The following PLK1 variants were observed in gnomAD, a reference collection of about 807,000 sequenced individuals.
PLK1 encodes the protein serine/threonine-protein kinase PLK1.
PLK1 carries 6 observed loss-of-function variants against 56.7 expected under a neutral mutation model. The ratio of observed to expected loss-of-function variants is 0.11; its 90% confidence interval spans 0.06 to 0.21. PLK1 has a LOEUF of 0.21. Ranked by LOEUF, PLK1 falls within the 10% of genes least tolerant of loss-of-function variation. The pLI, the probability that PLK1 is intolerant of heterozygous loss-of-function variation, is 1.00. For synonymous variants in PLK1, 298 were observed against 325.0 expected (o/e 0.92, Z 0.89); for missense variants, 546 against 814.4 (o/e 0.67, Z 4.01).
In PLK1 at chr16:23,678,899, C is replaced by G. The variant is rs753032355; in HGVS notation, c.-34C>G. The stretch of plus-strand genomic sequence containing the variant: ...GGAGCGGAGCGGTGCGGAGGCTCTG[C>G]TCGGATCGAGGTCTGCAGCGCAGCT... On this transcript the variant is annotated 5_prime_UTR_variant, in exon 1 of 10. Coordinates refer to ENST00000300093, the MANE Select transcript of PLK1 (RefSeq NM_005030.6). 8 of 1,461,370 alleles carry G rather than the reference C, an allele frequency of 5.5e-6. No homozygotes were observed. The highest frequency in any genetic ancestry group is 2.4e-4 in the Middle Eastern group (1 of 4,116). The allele number at this position is 1,461,370 out of a possible 1,614,324, so 90.5% of individuals were successfully genotyped here. A position where few individuals can be genotyped will look rare whatever the true frequency, so the allele number is the denominator to read the frequency against.
In PLK1 at chr16:23,689,332, G is replaced by A. The variant is rs768992442; in HGVS notation, c.1365G>A (p.Glu455=). Residue 455 remains glutamate, a synonymous_variant, in exon 8 of 10, where the codon GAG becomes GAA. Transcript: ENST00000300093. The surrounding 1 kb of genome is among the most constrained non-coding windows in gnomAD (Gnocchi z 4.8). ...YNDGDSLQYI[E]RDGTESYLTV... ...ATGGTGACAGCCTGCAGTACATAGAGCGTGACGGCACTGAGTCCTACCTCA... is the reference window on the plus strand; with the variant it reads ...ATGGTGACAGCCTGCAGTACATAGAACGTGACGGCACTGAGTCCTACCTCA... The A allele has an allele frequency of 3.7e-6, 6 of 1,614,002 alleles. No homozygotes were observed. Among genetic ancestry groups the A allele is most frequent in the Non-Finnish European group, 5.1e-6 (6 of 1,179,886 alleles).
At chr16:23,679,603 G>C (rs991999813) in intron 1 of PLK1, 76 of 466,840 alleles carry the variant, frequency 1.6e-4, no homozygotes, top group African/African-American at 1.2e-3. Context: ...GACGCGAGGT[G>C]CTGGGGGGAG....
intron 1 of PLK1, 26 bp from the exon 2 acceptor site, chr16:23,680,058 T>G: frequency 1.3e-6 from 2 of 1,589,856 alleles, no homozygotes; most frequent in South Asian, 2.2e-5. Flanking sequence ...TCCCCATCCC[T>G]CCTGCCCTCT....
At chr16:23,687,426 T>C in intron 5 of PLK1, 43 bp from the exon 6 acceptor site, 1 of 1,461,986 alleles carries the variant, frequency 6.8e-7, no homozygotes, top group Non-Finnish European at 9.2e-7. Context: ...GGCAGGGGAG[T>C]CCCGTGCCCT....
chr16:23,679,548 G>C, intron 1 of PLK1: 1 of 564,424 alleles, frequency 1.8e-6, no homozygotes, highest in Non-Finnish European at 3.1e-6. Flanking sequence ...GGGTTCCAGT[G>C]AAGTGGAGTC....
At position 23,680,236 on chromosome 16, in the gene PLK1, T is replaced by G. The variant is rs775051167; in HGVS notation, c.561T>G (p.Asp187Glu). Residue 187 changes from aspartate to glutamate, a missense_variant, in exon 2 of 10, where the codon GAT becomes GAG. Coordinates refer to ENST00000300093, the MANE Select transcript of PLK1 (RefSeq NM_005030.6). ...LKLGNLFLNE[D>E]LEVKIGDFGL... ...TGGGCAACCTTTTCCTGAATGAAGATCTGGAGGTGAAAATAGGTGAGTTGC... is the reference window on the plus strand; with the variant it reads ...TGGGCAACCTTTTCCTGAATGAAGAGCTGGAGGTGAAAATAGGTGAGTTGC... 2 of 1,613,926 alleles carry G rather than the reference T, an allele frequency of 1.2e-6. No individual in the cohort carries two copies. Among genetic ancestry groups the G allele is most frequent in the Admixed American group, 1.7e-5 (1 of 59,992 alleles).
intron 5 of PLK1, among the ~76,000 whole-genome samples, chr16:23,684,389 A>G (rs570369794): frequency 4.6e-5 from 7 of 152,154 alleles, no homozygotes; most frequent in East Asian, 3.9e-4. Context: ...TCTCTCCTCT[A>G]TTTTCCAGGT....
chr16:23,679,119 G>C lies in PLK1; in HGVS notation c.187G>C (p.Gly63Arg). The C allele has an allele frequency of 4.3e-6, 7 of 1,610,700 alleles. No individual in the cohort carries two copies. Among genetic ancestry groups the C allele is most frequent in the Non-Finnish European group, 4.2e-6 (5 of 1,177,360 alleles). Residue 63 changes from glycine (G) to arginine (R), a missense_variant, in exon 1 of 10, where the codon GGC becomes CGC. Transcript: ENST00000300093. Reference protein sequence around the residue: ...YVRGRFLGKGGFAKCFEISDA... With the variant: ...YVRGRFLGKGRFAKCFEISDA... ...GCGGGGCCGCTTTTTGGGCAAGGGCGGCTTTGCCAAGTGCTTCGAGATCTC... is the reference window on the plus strand; with the variant it reads ...GCGGGGCCGCTTTTTGGGCAAGGGCCGCTTTGCCAAGTGCTTCGAGATCTC...
intron 1 of PLK1, 108 bp from the exon 2 acceptor site, chr16:23,679,976 G>GGAGTCCA (rs1472347005): frequency 9.5e-5 from 67 of 708,618 alleles, no homozygotes; most frequent in Middle Eastern, 7.3e-4. Flanking sequence ...TCATCCCTTG[G>GGAGTCCA]GAGTCCAGAG....
At chr16:23,679,548 G>A (rs770854527) in intron 1 of PLK1, 5 of 564,306 alleles carry the variant, frequency 8.9e-6, no homozygotes, top group Non-Finnish European at 1.6e-5. Flanking sequence ...GGGTTCCAGT[G>A]AAGTGGAGTC....
Position 23,678,925 on chromosome 16 carries a change from T to C in PLK1, c.-8T>C. On this transcript the variant is annotated 5_prime_UTR_variant, in exon 1 of 10. Transcript: ENST00000300093. The stretch of plus-strand genomic sequence containing the variant: ...TCGGATCGAGGTCTGCAGCGCAGCT[T>C]CGGGAGCATGAGTGCTGCAGTGACT... The C allele has an allele frequency of 1.3e-6, 2 of 1,511,484 alleles. No homozygotes were observed. The highest frequency in any genetic ancestry group is 1.8e-6 in the Non-Finnish European group (2 of 1,127,298). 93.6% of individuals were successfully genotyped at this position (1,511,484 alleles called of 1,614,324 possible).
At position 23,678,972 on chromosome 16, in the gene PLK1, C is replaced by G. The variant is rs764367827; in HGVS notation, c.40C>G (p.Pro14Ala). The change falls in exon 1 of 10, where the codon CCG becomes GCG. Residue 14 changes from proline (P) to alanine (A), a missense_variant. Pro to Ala is a conservative substitution (Grantham distance 27). Coordinates refer to ENST00000300093, the MANE Select transcript of PLK1 (RefSeq NM_005030.6). ...GACTGCAGGGAAGCTGGCACGGGCA[C>G]CGGCCGACCCTGGGAAAGCCGGGGT... ...AVTAGKLARAPADPGKAGVPG... is the reference protein window; with the variant it reads ...AVTAGKLARAAADPGKAGVPG... 6.9e-6 allele frequency: 11 copies of G among 1,586,598 alleles called. No individual in the cohort carries two copies. In the Middle Eastern group the frequency reaches 6.0e-4, roughly 87 times the overall value.
intron 5 of PLK1, among the ~76,000 whole-genome samples, chr16:23,684,443 C>G (rs1959391928): frequency 6.6e-6 from 1 of 152,186 alleles, no homozygotes; most frequent in Non-Finnish European, 1.5e-5. Context: ...GCTTTCAACT[C>G]TAGGGCTCAA....
At chr16:23,687,751 C>T (rs980512110) in intron 6 of PLK1, 127 bp downstream of exon 6, 3 of 595,182 alleles carry the variant, frequency 5.0e-6, no homozygotes, top group Non-Finnish European at 7.9e-6. Flanking sequence ...ATTGGTTTCC[C>T]CATTTCCTGA....
Position 23,687,501 on chromosome 16 carries a change from GA to G in PLK1, c.1074del (p.Glu359LysfsTer96). The G allele has an allele frequency of 1.9e-6, 3 of 1,596,546 alleles. No individual in the cohort carries two copies. The highest frequency in any genetic ancestry group is 1.1e-5 in the South Asian group (1 of 88,650). ...GAACCCCCTGCCTGAGCGTCCCCGG[GA>G]AAAAGAAGAACCAGTGGTTCGAGAG... is the stretch of plus-strand genomic sequence containing the variant. Reference protein sequence around the residue: ...LENPLPERPREKEEPVVRETG... With the variant: ...LENPLPERPRXKEEPVVRETG... On this transcript the variant is annotated frameshift_variant, in exon 6 of 10. Coordinates refer to ENST00000300093, the MANE Select transcript of PLK1 (RefSeq NM_005030.6). LOFTEE classifies it high-confidence loss of function.
chr16:23,681,151 C>T, intron 3 of PLK1, 93 bp downstream of exon 3: 1 of 1,139,114 alleles, frequency 8.8e-7, no homozygotes, highest in Non-Finnish European at 1.3e-6. Context: ...GACCTTTCGG[C>T]CTGCTTTACA....
chr16:23,689,932 A>T lies in PLK1; in HGVS notation c.1681A>T (p.Thr561Ser), dbSNP rs1385549091. 3 of 1,614,012 alleles carry T rather than the reference A, an allele frequency of 1.9e-6. No individual in the cohort carries two copies. The Admixed American group carries it at 5.0e-5, about 27-fold the overall frequency. ...CATCGACGAGAAGCGGGACTTCCGC[A>T]CATACCGCCTGAGTCTCCTGGAGGA... ...TYIDEKRDFR[T>S]YRLSLLEEYG... The change falls in exon 10 of 10, where the codon ACA (threonine) becomes TCA (serine). Residue 561 changes from threonine to serine, a missense_variant. Thr to Ser is a moderately conservative substitution (Grantham distance 58). Coordinates refer to ENST00000300093, the MANE Select transcript of PLK1 (RefSeq NM_005030.6). The surrounding 1 kb of genome is among the most constrained non-coding windows in gnomAD (Gnocchi z 4.8).
chr16:23,690,004 A>T lies in PLK1; in HGVS notation c.1753A>T (p.Thr585Ser). The T allele has an allele frequency of 1.2e-6, 2 of 1,613,514 alleles. No individual in the cohort carries two copies. Among genetic ancestry groups the T allele is most frequent in the Non-Finnish European group, 1.7e-6 (2 of 1,180,008 alleles). ...GGCCAGCCGGCTCCGCTACGCCCGCACTATGGTGGACAAGCTGCTGAGCTC... is the reference window on the plus strand; with the variant it reads ...GGCCAGCCGGCTCCGCTACGCCCGCTCTATGGTGGACAAGCTGCTGAGCTC... ...ELASRLRYARTMVDKLLSSRS... is the reference protein window; with the variant it reads ...ELASRLRYARSMVDKLLSSRS... The change falls in exon 10 of 10, where the codon ACT (threonine) becomes TCT (serine). Residue 585 changes from threonine to serine, a missense_variant. Thr to Ser is a moderately conservative substitution (Grantham distance 58). This residue lies in a region of PLK1 where 72 missense variants were observed against 77.9 expected (regional missense o/e 0.92). Transcript: ENST00000300093.
rs776547432 is a variant in PLK1, at chr16:23,690,053, A to C, written c.1802A>C (p.Lys601Thr). The change falls in exon 10 of 10, where the codon AAG becomes ACG. Residue 601 changes from lysine (K) to threonine (T), a missense_variant. By Grantham distance (78) the Lys-to-Thr change is moderately conservative. Transcript: ENST00000300093. ...TCACGCTCGGCCAGCAACCGTCTCAAGGCCTCCTAATAGCTGCCCTCCCCT... is the reference window on the plus strand; with the variant it reads ...TCACGCTCGGCCAGCAACCGTCTCACGGCCTCCTAATAGCTGCCCTCCCCT... ...LSSRSASNRL[K>T]AS The C allele has an allele frequency of 1.2e-6, 2 of 1,609,186 alleles. No individual in the cohort carries two copies. The highest frequency in any genetic ancestry group is 1.1e-5 in the South Asian group (1 of 91,070).
Sources: allele counts gnomAD v4.1 joint callset (sites outside exome capture counted in the v4.1 genomes callset), GRCh38; gene constraint gnomAD v4.1.1; regional missense constraint gnomAD v4.1.1; non-coding constraint Gnocchi (gnomAD v3.1); transcripts MANE v1.5; gene names NCBI Gene and HGNC (gene_info 2026-07-23, HGNC 2026-07-21).